Variants in MYO7B observed in about 807,000 individuals in gnomAD.
MYO7B encodes unconventional myosin-VIIb.
MYO7B carries 212 observed loss-of-function variants against 259.7 expected under a neutral mutation model. The ratio of observed to expected loss-of-function variants is 0.82; its 90% confidence interval spans 0.73 to 0.91. The LOEUF (loss-of-function observed/expected upper bound fraction) is 0.91, where lower values mean the gene tolerates loss of function less well. Among genes scored for constraint, MYO7B ranks in the 40% least tolerant of loss-of-function variants. The pLI, the probability that MYO7B is intolerant of heterozygous loss-of-function variation, is 0.00. For synonymous variants in MYO7B, 1,197 were observed against 1,166.4 expected, an observed-to-expected ratio of 1.03 and a Z score of -0.54; for missense variants, 2,732 against 2,813.5, an observed-to-expected ratio of 0.97 and a Z score of 0.66.
intron 9 of MYO7B, 125 bp from the exon 10 acceptor site, chr2:127,580,621 G>T: frequency 1.1e-6 from 1 of 882,264 alleles, no homozygotes; most frequent in South Asian, 1.6e-5. Flanking sequence ...GAGAGACCGT[G>T]GCTTACGCCA....
chr2:127,568,973 C>T (rs190996685), intron 5 of MYO7B, among the ~76,000 whole-genome samples: 76 of 150,948 alleles, frequency 5.0e-4, no homozygotes, highest in African/African-American at 1.3e-3. Context: ...TTTGGGAGGC[C>T]GAGGCGGGCA....
At chr2:127,570,167 G>T (rs1678535548) in intron 6 of MYO7B, among the ~76,000 whole-genome samples, 1 of 151,982 alleles carries the variant, frequency 6.6e-6, no homozygotes, top group South Asian at 2.1e-4. Flanking sequence ...TTTTAAAAAG[G>T]CATCCAAGAT....
Position 127,607,137 on chromosome 2 carries a change from G to T in MYO7B, c.2425-69G>T. 1 of 1,423,756 alleles carries T rather than the reference G, an allele frequency of 7.0e-7. No individual in the cohort carries two copies. Among genetic ancestry groups the T allele is most frequent in the Non-Finnish European group, 9.5e-7 (1 of 1,054,194 alleles). 88.2% of individuals were successfully genotyped at this position (1,423,756 alleles called of 1,614,324 possible). On this transcript the variant is annotated intron_variant, in intron 20 of 47. Coordinates refer to ENST00000409816, the MANE Select transcript of MYO7B (RefSeq NM_001393586.1). The surrounding 1 kb of genome is among the most constrained non-coding windows in gnomAD (Gnocchi z 4.4). ...AATCTATCTTGCACTGCCTCCTGGG[G>T]AGCACCCCTCTCTGTTTCCTGGGGA...
Position 127,588,381 on chromosome 2 carries a change from T to C in MYO7B, c.1691-11T>C. 6.2e-7 allele frequency: 1 copy of C among 1,611,956 alleles called. No homozygotes were observed. The highest frequency in any genetic ancestry group is 8.5e-7 in the Non-Finnish European group (1 of 1,179,432). ...AAGCTGGGATGCTGGGTGGGCCCTG[T>C]GTCTCCACAGGCTTCCTGGAGAAGA... On this transcript the variant is annotated splice_polypyrimidine_tract_variant and intron_variant, in intron 14 of 47. Transcript: ENST00000409816.
chr2:127,546,509 G>C lies in MYO7B; in HGVS notation c.-24+10678G>C, dbSNP rs1693233454. On this transcript the variant is annotated intron_variant, in intron 1 of 47. Coordinates refer to ENST00000409816, the MANE Select transcript of MYO7B (RefSeq NM_001393586.1). This position sits in a 1 kb window ranked among gnomAD's most constrained non-coding sequence, Gnocchi z 4.2. ...CAGAAATGTTAGTGGTGTGGCTTCA[G>C]ACCCACAGCAGCTTTGAGGAGGGCT... Among the ~76,000 whole-genome samples the C allele has an allele frequency of 6.6e-6, 1 of 152,174 alleles. No individual in the cohort carries two copies.
chr2:127,624,615 A>G (rs1240772773), intron 30 of MYO7B, among the ~76,000 whole-genome samples: 1 of 152,212 alleles, frequency 6.6e-6, no homozygotes, highest in Non-Finnish European at 1.5e-5. Flanking sequence ...GGCCAAGAAC[A>G]TGGCCTTGGA....
Position 127,588,567 on chromosome 2 carries a change from G to C in MYO7B, c.1854+12G>C. 3.7e-6 allele frequency: 6 copies of C among 1,612,646 alleles called. No individual in the cohort carries two copies. The highest frequency in any genetic ancestry group is 4.2e-6 in the Non-Finnish European group (5 of 1,179,712). ...ACCATCTCTTCAAGGTGGGCTCCCAGGCACCCTCCTGGGTCTGTCACCCCT... is the reference window on the plus strand; with the variant it reads ...ACCATCTCTTCAAGGTGGGCTCCCACGCACCCTCCTGGGTCTGTCACCCCT... On this transcript the variant is annotated intron_variant, in intron 15 of 47. Transcript: ENST00000409816.
At chr2:127,630,300 A>T (rs1185851356) in intron 35 of MYO7B, among the ~76,000 whole-genome samples, 1 of 152,228 alleles carries the variant, frequency 6.6e-6, no homozygotes, top group African/African-American at 2.4e-5. Flanking sequence ...ACATTTGGGC[A>T]GATAATGACA....
chr2:127,621,543 G>T (rs1288701327), intron 27 of MYO7B, among the ~76,000 whole-genome samples: 1 of 152,166 alleles, frequency 6.6e-6, no homozygotes, highest in African/African-American at 2.4e-5. Context: ...TTATAGGTGT[G>T]AGCCACCATG....
chr2:127,635,360 C>G (rs1681745520), intron 43 of MYO7B, 134 bp downstream of exon 43: 2 of 845,084 alleles, frequency 2.4e-6, no homozygotes, highest in Admixed American at 2.3e-5. Context: ...GTAGGCAGAC[C>G]AAGCCCCTGA....
rs764063496 is a variant in MYO7B, at chr2:127,546,135, C to T, written c.-24+10304C>T. ...TCATCCCTCACCCAGCCCCAGATGC[C>T]CTTTCTGCCCAAAGAACACTCAGAC... On this transcript the variant is annotated intron_variant, in intron 1 of 47. Transcript: ENST00000409816. This position sits in a 1 kb window ranked among gnomAD's most constrained non-coding sequence, Gnocchi z 4.2. Among the ~76,000 whole-genome samples the T allele has an allele frequency of 1.3e-5, 2 of 152,210 alleles. No individual in the cohort carries two copies. Among genetic ancestry groups the T allele is most frequent in the Non-Finnish European group, 2.9e-5 (2 of 68,048 alleles).
Position 127,609,846 on chromosome 2 carries a change from C to T in MYO7B, c.3025-3C>T. 1 of 1,613,544 alleles carries T rather than the reference C, an allele frequency of 6.2e-7. No homozygotes were observed. The highest frequency in any genetic ancestry group is 1.3e-5 in the African/African-American group (1 of 75,018). On this transcript the variant is annotated splice_region_variant and splice_polypyrimidine_tract_variant and intron_variant, in intron 23 of 47. Coordinates refer to ENST00000409816, the MANE Select transcript of MYO7B (RefSeq NM_001393586.1). This position sits in a 1 kb window ranked among gnomAD's most constrained non-coding sequence, Gnocchi z 6.9. ...CACTGGGCCTTCTGTCTTGTTTCCC[C>T]AGGCCGCCCTGGTCATATGGAACGT...
In MYO7B at chr2:127,607,144, C is replaced by T. The variant is rs576435059; in HGVS notation, c.2425-62C>T. The T allele has an allele frequency of 1.6e-4, 234 of 1,458,346 alleles. 5 individuals carry two copies. The South Asian group carries it at 2.9e-3, about 18-fold the overall frequency. 90.3% of individuals were successfully genotyped at this position (1,458,346 alleles called of 1,614,324 possible). A position where few individuals can be genotyped will look rare whatever the true frequency, so the allele number is the denominator to read the frequency against. Reference sequence around the variant, plus strand: ...CTTGCACTGCCTCCTGGGGAGCACCCCTCTCTGTTTCCTGGGGAAGGCCTT... The same window carrying T: ...CTTGCACTGCCTCCTGGGGAGCACCTCTCTCTGTTTCCTGGGGAAGGCCTT... On this transcript the variant is annotated intron_variant, in intron 20 of 47. Coordinates refer to ENST00000409816, the MANE Select transcript of MYO7B (RefSeq NM_001393586.1). The surrounding 1 kb of genome is among the most constrained non-coding windows in gnomAD (Gnocchi z 4.4).
chr2:127,542,502 A>T (rs574579768), intron 1 of MYO7B, among the ~76,000 whole-genome samples: 2 of 152,282 alleles, frequency 1.3e-5, no homozygotes, highest in South Asian at 4.2e-4. Context: ...CTGGGCGGGG[A>T]TGGAAGCTCA....
At chr2:127,551,927 G>A (rs980969783) in intron 1 of MYO7B, among the ~76,000 whole-genome samples, 2 of 152,186 alleles carry the variant, frequency 1.3e-5, no homozygotes, top group Non-Finnish European at 2.9e-5. Context: ...CCTAGAGGAG[G>A]TGCAGGCCAT....
chr2:127,609,615 A>G lies in MYO7B; in HGVS notation c.2924A>G (p.Lys975Arg), dbSNP rs954722186. The G allele has an allele frequency of 1.2e-6, 2 of 1,613,862 alleles. No individual in the cohort carries two copies. The highest frequency in any genetic ancestry group is 1.7e-6 in the Non-Finnish European group (2 of 1,179,890). The change falls in exon 23 of 48, where the codon AAG (lysine) becomes AGG (arginine). Residue 975 changes from lysine (K) to arginine (R), a missense_variant. Lys to Arg is a conservative substitution (Grantham distance 26). This residue lies in a region of MYO7B where 1,906 missense variants were observed against 2,026.4 expected (regional missense o/e 0.94). Transcript: ENST00000409816. This position sits in a 1 kb window ranked among gnomAD's most constrained non-coding sequence, Gnocchi z 6.9. ...VDGLAEYTFP[K>R]FAVTYFQKSA... ...GGCCTGGCCGAGTACACCTTCCCCA[A>G]GTTTGCTGTGACTTACTTCCAGAAA...
chr2:127,575,656 G>C (rs575238416), intron 7 of MYO7B, among the ~76,000 whole-genome samples: 1 of 152,236 alleles, frequency 6.6e-6, no homozygotes, highest in East Asian at 1.9e-4. Context: ...CTAGGTTCTG[G>C]GGCGGGGAGG....
intron 40 of MYO7B, among the ~76,000 whole-genome samples, chr2:127,633,926 C>T (rs1027492843): frequency 6.6e-6 from 1 of 152,248 alleles, no homozygotes; most frequent in Non-Finnish European, 1.5e-5. Context: ...GAAGTTCCCA[C>T]AGTCTGGCTG....
At chr2:127,550,032 A>G (rs1330618510) in intron 1 of MYO7B, among the ~76,000 whole-genome samples, 2 of 152,166 alleles carry the variant, frequency 1.3e-5, no homozygotes, top group South Asian at 2.1e-4. Context: ...TTGGCATTGT[A>G]TTTCATAATT....
Sources: allele counts gnomAD v4.1 joint callset (sites outside exome capture counted in the v4.1 genomes callset), GRCh38; gene constraint gnomAD v4.1.1; regional missense constraint gnomAD v4.1.1; non-coding constraint Gnocchi (gnomAD v3.1); transcripts MANE v1.5; gene names NCBI Gene and HGNC (gene_info 2026-07-23, HGNC 2026-07-21).